Variants in QTMAN observed in about 807,000 individuals in gnomAD.
QTMAN encodes queuosine-tRNA mannosyltransferase, also known as tRNA-queuosine alpha-mannosyltransferase.
chr2:144,179,359 C>T, the QTMAN span, among the ~76,000 whole-genome samples: 4 of 152,234 alleles, frequency 2.6e-5, no homozygotes, highest in Non-Finnish European at 4.4e-5. Context: ...AATAATTATG[C>T]TTTGCTTGCT....
the QTMAN span, among the ~76,000 whole-genome samples, chr2:144,243,861 T>C: frequency 6.6e-6 from 1 of 152,218 alleles, no homozygotes; most frequent in Non-Finnish European, 1.5e-5. Flanking sequence ...ATAAAAGTGA[T>C]TGGTACAAAA....
the QTMAN span, among the ~76,000 whole-genome samples, chr2:144,043,732 C>CA: frequency 6.6e-6 from 1 of 151,922 alleles, no homozygotes; most frequent in African/African-American, 2.4e-5. Context: ...CCTAAATAAT[C>CA]TATTAAGTTA....
the QTMAN span, chr2:144,128,171 G>A: frequency 3.3e-5 from 5 of 151,964 alleles, no homozygotes; most frequent in African/African-American, 1.2e-4. Flanking sequence ...AAATTTTGAT[G>A]GTTGTACATA....
the QTMAN span, chr2:143,942,751 T>C: frequency 6.0e-6 from 1 of 167,108 alleles, no homozygotes; most frequent in Admixed American, 6.5e-5. Flanking sequence ...GTGAAGCCCC[T>C]GGCTCCTGTT....
the QTMAN span, among the ~76,000 whole-genome samples, chr2:144,322,235 T>C: frequency 6.6e-6 from 1 of 151,378 alleles, no homozygotes; most frequent in Admixed American, 6.6e-5. Flanking sequence ...TCAATCTCTT[T>C]AGTCAGGACC....
the QTMAN span, among the ~76,000 whole-genome samples, chr2:144,174,586 T>C: frequency 3.2e-4 from 49 of 152,182 alleles, no homozygotes; most frequent in East Asian, 5.8e-4. Flanking sequence ...TCATCTTCAA[T>C]TGTAGCTCCT....
chr2:144,249,046 G>T, the QTMAN span, among the ~76,000 whole-genome samples: 1 of 152,110 alleles, frequency 6.6e-6, no homozygotes, highest in Non-Finnish European at 1.5e-5. Flanking sequence ...GATAAATTTG[G>T]ATTAGGATTA....
the QTMAN span, among the ~76,000 whole-genome samples, chr2:144,295,037 C>T: frequency 2.8e-4 from 43 of 152,310 alleles, no homozygotes; most frequent in Middle Eastern, 3.4e-3. Context: ...ATATGACACA[C>T]AGAAGTCAAT....
the QTMAN span, among the ~76,000 whole-genome samples, chr2:144,138,336 A>C: frequency 6.6e-6 from 1 of 152,092 alleles, no homozygotes; most frequent in Non-Finnish European, 1.5e-5. Flanking sequence ...CTTAGAAGGA[A>C]CAAGTATAAA....
chr2:144,311,763 A>G, the QTMAN span, among the ~76,000 whole-genome samples: 5 of 152,264 alleles, frequency 3.3e-5, no homozygotes, highest in East Asian at 9.6e-4. Flanking sequence ...CCAAATTCCC[A>G]TAGTACTGCC....
the QTMAN span, among the ~76,000 whole-genome samples, chr2:144,289,112 C>A: frequency 1.3e-5 from 2 of 149,202 alleles, no homozygotes; most frequent in Non-Finnish European, 3.0e-5. Flanking sequence ...CCACTCACTG[C>A]AAGCTCCGCC....
chr2:144,220,905 C>G, the QTMAN span, among the ~76,000 whole-genome samples: 1 of 152,148 alleles, frequency 6.6e-6, no homozygotes, highest in African/African-American at 2.4e-5. Flanking sequence ...GTTCAATGTA[C>G]CCACCTTGTT....
the QTMAN span, among the ~76,000 whole-genome samples, chr2:144,292,455 AT>A: frequency 4.0e-5 from 6 of 151,842 alleles, no homozygotes; most frequent in Admixed American, 3.9e-4. Context: ...GCTGAGTTTT[AT>A]TTGTGCTTCT....
chr2:144,081,483 A>C, the QTMAN span, among the ~76,000 whole-genome samples: 1 of 152,174 alleles, frequency 6.6e-6, no homozygotes, highest in African/African-American at 2.4e-5. Context: ...GTTAGGTTGA[A>C]ACTAGGGAAA....
chr2:144,206,110 T>A, the QTMAN span, among the ~76,000 whole-genome samples: 1 of 152,190 alleles, frequency 6.6e-6, no homozygotes, highest in Non-Finnish European at 1.5e-5. Context: ...AGAGTAAGCT[T>A]ATAATAGCAA....
chr2:144,184,793 T>C, the QTMAN span, among the ~76,000 whole-genome samples: 2 of 152,182 alleles, frequency 1.3e-5, no homozygotes, highest in East Asian at 3.8e-4. Flanking sequence ...ATTAAAGCAC[T>C]GGCTCCCTAT....
the QTMAN span, among the ~76,000 whole-genome samples, chr2:144,194,239 T>C: frequency 6.6e-6 from 1 of 152,224 alleles, no homozygotes; most frequent in African/African-American, 2.4e-5. Flanking sequence ...TTATCTCATT[T>C]GATCCTCACA....
chr2:144,208,841 A>T, the QTMAN span: 1 of 1,192,256 alleles, frequency 8.4e-7, no homozygotes, highest in Non-Finnish European at 1.2e-6. Flanking sequence ...TTTTTCCATT[A>T]CATACATGTA....
chr2:144,225,089 T>C, the QTMAN span, among the ~76,000 whole-genome samples: 17 of 152,200 alleles, frequency 1.1e-4, no homozygotes, highest in Admixed American at 3.3e-4. Context: ...CTAAAATATT[T>C]GCAATATTTG....
Sources: allele counts gnomAD v4.1 joint callset (sites outside exome capture counted in the v4.1 genomes callset), GRCh38; gene constraint gnomAD v4.1.1; transcripts MANE v1.5; gene names NCBI Gene and HGNC (gene_info 2026-07-23, HGNC 2026-07-21).